ZNRF2: variants seen among roughly 807,000 people sequenced by gnomAD.
ZNRF2 encodes zinc and ring finger 2.
Under a neutral mutation model 20.4 loss-of-function variants are expected in ZNRF2, and 16 were observed. The ratio of observed to expected loss-of-function variants is 0.79; its 90% CI spans 0.53 to 1.19. The LOEUF (loss-of-function observed/expected upper bound fraction) is 1.19, where lower values mean the gene tolerates loss of function less well. ZNRF2 is among the 50% of genes most tolerant of loss of function. The probability of loss-of-function intolerance (pLI) is 0.00; values close to 1 mark genes in which losing one functional copy is unlikely to be tolerated. For synonymous variants in ZNRF2, 178 were observed against 144.9 expected (o/e 1.23, Z -1.64); for missense variants, 363 against 332.4 (o/e 1.09, Z -0.72).
At chr7:30,287,149 T>C (rs1189007436) in intron 1 of ZNRF2, among the ~76,000 whole-genome samples, 1 of 152,204 alleles carries the variant, frequency 6.6e-6, no homozygotes, top group Non-Finnish European at 1.5e-5. Context: ...TTTTTAAAAG[T>C]CATTTGCTTT....
intron 2 of ZNRF2, among the ~76,000 whole-genome samples, chr7:30,334,293 C>A (rs574781182): frequency 2.0e-5 from 3 of 152,050 alleles, no homozygotes; most frequent in Non-Finnish European, 4.4e-5. Flanking sequence ...TGTGGAAGAT[C>A]AGTTGGTTAT....
chr7:30,315,154 C>A (rs548014762), intron 1 of ZNRF2, among the ~76,000 whole-genome samples: 1 of 151,958 alleles, frequency 6.6e-6, no homozygotes, highest in African/African-American at 2.4e-5. Flanking sequence ...AAGACTTGGT[C>A]CCAGTATGGA....
At position 30,342,837 on chromosome 7, in the gene ZNRF2, T is replaced by A. The variant is rs369370992; in HGVS notation, c.566-12891T>A. 5.9e-5 allele frequency among the ~76,000 whole-genome samples: 9 copies of A among 152,120 alleles called. No individual in the cohort carries two copies. In the East Asian group the frequency reaches 1.7e-3, roughly 29 times the overall value. Reference sequence around the variant, plus strand: ...GATGAGGTACTTTGTATTTTGGGGGTGTCTTTTTTAACTCAAAAGTTATTT... The same window carrying A: ...GATGAGGTACTTTGTATTTTGGGGGAGTCTTTTTTAACTCAAAAGTTATTT... On this transcript the variant is annotated intron_variant, in intron 2 of 4. Transcript: ENST00000323037.
chr7:30,287,844 T>C lies in ZNRF2; in HGVS notation c.469+2018T>C, dbSNP rs1334899410. 1.4e-4 allele frequency among the ~76,000 whole-genome samples: 22 copies of C among 152,236 alleles called. No homozygotes were observed. In the East Asian group the frequency reaches 4.2e-3, roughly 29 times the overall value. ...AACGGTTTTAGTTATGTATCATTCT[T>C]GGAACAATTGAGAAAAGTCACTGAA... On this transcript the variant is annotated intron_variant, in intron 1 of 4. Coordinates refer to ENST00000323037, the MANE Select transcript of ZNRF2 (RefSeq NM_147128.4).
intron 1 of ZNRF2, among the ~76,000 whole-genome samples, chr7:30,287,636 T>C: frequency 6.6e-6 from 1 of 152,066 alleles, no homozygotes; most frequent in Non-Finnish European, 1.5e-5. Flanking sequence ...TTTTTTCTTA[T>C]CTAAGTTCTA....
chr7:30,334,386 G>T (rs966655175), intron 2 of ZNRF2, among the ~76,000 whole-genome samples: 3 of 152,018 alleles, frequency 2.0e-5, no homozygotes, highest in African/African-American at 7.2e-5. Flanking sequence ...ATGATGTTTC[G>T]GTTCCTATAG....
At chr7:30,346,441 G>A (rs944537889) in intron 2 of ZNRF2, among the ~76,000 whole-genome samples, 2 of 151,794 alleles carry the variant, frequency 1.3e-5, no homozygotes, top group Non-Finnish European at 2.9e-5. Flanking sequence ...CGCCTGCCTC[G>A]GTCTCCCAAA....
At chr7:30,326,310 C>G (rs1320304274) in intron 2 of ZNRF2, among the ~76,000 whole-genome samples, 1 of 152,120 alleles carries the variant, frequency 6.6e-6, no homozygotes, top group Non-Finnish European at 1.5e-5. Context: ...CTGGTAGGCT[C>G]CAATGTGTAT....
rs1800220437 is a variant in ZNRF2, at chr7:30,366,696, G to A, written c.*684G>A. The A allele has an allele frequency of 6.6e-6, 1 of 152,340 alleles. No individual in the cohort carries two copies. The allele number at this position is 152,340 out of a possible 1,614,324, so 9.4% of individuals were successfully genotyped here. ...TTAATATCAGAATGCAGTCCAAAGA[G>A]CAAATCATATTACATAATTACATTT... On this transcript the variant is annotated 3_prime_UTR_variant, in exon 5 of 5. Transcript: ENST00000323037.
chr7:30,348,625 C>T (rs1799915994), intron 2 of ZNRF2, among the ~76,000 whole-genome samples: 1 of 152,164 alleles, frequency 6.6e-6, no homozygotes, highest in Admixed American at 6.5e-5. Flanking sequence ...CACCCTGGGC[C>T]TTTATTTTCC....
rs369172923 is a variant in ZNRF2 at position 30,363,443 on chromosome 7, T to C, written c.*22+987T>C. Reference sequence around the variant, plus strand: ...ACTTTTCAAGTTCAGATAACTAGTTTGTTGGTGGGGATGAAATTTGAACCC... The same window carrying C: ...ACTTTTCAAGTTCAGATAACTAGTTCGTTGGTGGGGATGAAATTTGAACCC... On this transcript the variant is annotated intron_variant, in intron 4 of 4. Transcript: ENST00000323037. Among the ~76,000 whole-genome samples, 15 of 152,300 alleles carry C rather than the reference T, an allele frequency of 9.8e-5. No homozygotes were observed. In the East Asian group the frequency reaches 2.5e-3, roughly 25 times the overall value.
At chr7:30,320,546 A>G (rs1439477506) in intron 1 of ZNRF2, among the ~76,000 whole-genome samples, 1 of 152,130 alleles carries the variant, frequency 6.6e-6, no homozygotes, top group Non-Finnish European at 1.5e-5. Context: ...TTTGAATTTC[A>G]ATATTTTTCA....
chr7:30,297,691 TGCA>T (rs1167565506), intron 1 of ZNRF2, among the ~76,000 whole-genome samples: 1 of 152,156 alleles, frequency 6.6e-6, no homozygotes, highest in African/African-American at 2.4e-5. Flanking sequence ...TCATTCATTG[TGCA>T]GCATATTTGG....
intron 1 of ZNRF2, among the ~76,000 whole-genome samples, chr7:30,301,721 AAACTTAT>A (rs1562605915): frequency 1.3e-5 from 2 of 151,468 alleles, no homozygotes; most frequent in African/African-American, 4.9e-5. Context: ...AAAAAAAAAA[AAACTTAT>A]CTTTGTCTTA....
At chr7:30,352,269 TAGC>T (rs1240098631) in intron 2 of ZNRF2, among the ~76,000 whole-genome samples, 1 of 152,052 alleles carries the variant, frequency 6.6e-6, no homozygotes, top group Non-Finnish European at 1.5e-5. Flanking sequence ...TATTCTTTGA[TAGC>T]AGTCGCATTT....
intron 2 of ZNRF2, among the ~76,000 whole-genome samples, chr7:30,346,722 G>A (rs1438532329): frequency 6.6e-6 from 1 of 151,836 alleles, no homozygotes; most frequent in East Asian, 1.9e-4. Context: ...TCCTGCTTGA[G>A]ACTTCATGAG....
intron 2 of ZNRF2, among the ~76,000 whole-genome samples, chr7:30,337,530 T>C (rs1044144420): frequency 6.6e-6 from 1 of 152,106 alleles, no homozygotes; most frequent in African/African-American, 2.4e-5. Flanking sequence ...CCCCTGAGAT[T>C]TGGGAAACTA....
intron 3 of ZNRF2, among the ~76,000 whole-genome samples, chr7:30,357,629 A>C (rs1800061853): frequency 6.6e-6 from 1 of 152,218 alleles, no homozygotes. Flanking sequence ...GACACACTAG[A>C]GACCCACAGA....
chr7:30,323,855 G>C, intron 2 of ZNRF2, 118 bp downstream of exon 2: 3 of 622,354 alleles, frequency 4.8e-6, no homozygotes, highest in Non-Finnish European at 5.1e-6. Context: ...ATTTTTACTA[G>C]TGCATTAATG....
Sources: allele counts gnomAD v4.1 joint callset (sites outside exome capture counted in the v4.1 genomes callset), GRCh38; gene constraint gnomAD v4.1.1; transcripts MANE v1.5; gene names NCBI Gene and HGNC (gene_info 2026-07-23, HGNC 2026-07-21).